Variants in MID1 observed in about 807,000 individuals in gnomAD.
The protein encoded by MID1 is midline 1, also known as E3 ubiquitin-protein ligase Midline-1.
In MID1, 7 loss-of-function variants were observed where a neutral mutation model predicts 40.4. That is an observed-to-expected ratio of 0.17 (90% confidence interval 0.10 to 0.33). The LOEUF (loss-of-function observed/expected upper bound fraction) is 0.33, where lower values mean the gene tolerates loss of function less well. MID1 is among the 10% of genes least tolerant of loss of function. The probability of loss-of-function intolerance (pLI) is 1.00; values close to 1 mark genes in which losing one functional copy is unlikely to be tolerated. For missense variants in MID1, 367 were observed against 558.5 expected (o/e 0.66, Z 3.46); for synonymous variants, 229 against 221.2 (o/e 1.04, Z -0.31).
At chrX:10,517,618 C>A (rs1359442780) in intron 3 of MID1, among the ~76,000 whole-genome samples, 2 of 112,401 alleles carry the variant, frequency 1.8e-5, no homozygotes, top group African/African-American at 6.5e-5. Context: ...CTTTCCAGCT[C>A]TCAACTCTCC....
At chrX:10,723,829 C>G (rs891708371) in intron 1 of MID1, among the ~76,000 whole-genome samples, 12 of 112,658 alleles carry the variant, frequency 1.1e-4, no homozygotes, top group African/African-American at 3.9e-4. Context: ...CGTGAGCCAC[C>G]GCGCCCAGCT....
chrX:10,495,825 G>T (rs920577746), intron 3 of MID1, 134 bp from the exon 4 acceptor site: 5 of 506,006 alleles, frequency 9.9e-6, no homozygotes, highest in African/African-American at 7.0e-5. Context: ...GTCCGATTAC[G>T]CAAGGATTGC....
At chrX:10,574,429 C>T (rs1023489900) in intron 1 of MID1, among the ~76,000 whole-genome samples, 1 of 112,112 alleles carries the variant, frequency 8.9e-6, no homozygotes, top group Non-Finnish European at 1.9e-5. Context: ...CTGTGTCAGA[C>T]TTTTGACTCT....
At chrX:10,493,178 C>T (rs762820940) in intron 4 of MID1, among the ~76,000 whole-genome samples, 1 of 111,711 alleles carries the variant, frequency 9.0e-6, no homozygotes, top group African/African-American at 3.3e-5. Flanking sequence ...CTGAATTATC[C>T]AGGTAATCCC....
chrX:10,773,617 A>AT lies in MID1; in HGVS notation c.-187+59936dup, dbSNP rs2043784203. On this transcript the variant is annotated intron_variant, in intron 1 of 10. Coordinates refer to the MID1 transcript ENST00000380785. Reference sequence around the variant, plus strand: ...ATCTTTTTTTGAACCTAAGTACTAGATTTTTCCCCTGGTTACATTTTATCT... The same window carrying AT: ...ATCTTTTTTTGAACCTAAGTACTAGATTTTTTCCCCTGGTTACATTTTATCT... Among the ~76,000 whole-genome samples the AT allele has an allele frequency of 3.6e-5, 4 of 111,584 alleles. No individual in the cohort carries two copies. In the South Asian group the frequency reaches 1.5e-3, roughly 42 times the overall value.
intron 7 of MID1, among the ~76,000 whole-genome samples, chrX:10,465,210 TATATACAC>T (rs1473053570): frequency 4.7e-4 from 29 of 62,043 alleles, no homozygotes; most frequent in African/African-American, 2.3e-3. Flanking sequence ...TATATATATA[TATATACAC>T]ACACACACAC....
rs1935369590 is a variant in MID1, at chrX:10,594,227, G to C, written c.-57+26063C>G. On this transcript the variant is annotated intron_variant, in intron 1 of 9. Transcript: ENST00000317552. ...AGAACATTTTGAGGATGCATGTATT[G>C]AGTATATATTTTAGATCTCAATCTG... Among the ~76,000 whole-genome samples the C allele has an allele frequency of 4.5e-5, 5 of 111,658 alleles. No homozygotes were observed. The South Asian group carries it at 1.9e-3, about 42-fold the overall frequency.
rs927969545 is a variant in MID1, at chrX:10,448,629, C to A, written c.*739G>T. On this transcript the variant is annotated 3_prime_UTR_variant, in exon 10 of 10. Transcript: ENST00000317552. ...AAATGACTATTTTCAATTGCAATCTCATTCTTAATGTTCTTCCAGAACCCT... is the reference window on the plus strand; with the variant it reads ...AAATGACTATTTTCAATTGCAATCTAATTCTTAATGTTCTTCCAGAACCCT... The A allele has an allele frequency of 1.8e-5, 2 of 112,196 alleles. No individual in the cohort carries two copies. The highest frequency in any genetic ancestry group is 6.5e-5 in the African/African-American group (2 of 30,856). 9.2% of individuals were successfully genotyped at this position (112,196 alleles called of 1,213,427 possible). A position where few individuals can be genotyped will look rare whatever the true frequency, so the allele number is the denominator to read the frequency against.
intron 1 of MID1, among the ~76,000 whole-genome samples, chrX:10,786,580 A>C (rs1361260061): frequency 9.0e-6 from 1 of 111,268 alleles, no homozygotes; most frequent in Non-Finnish European, 1.9e-5. Flanking sequence ...AATGTGCAAC[A>C]ATGATAGACT....
chrX:10,715,177 G>A (rs1425740265), intron 1 of MID1, among the ~76,000 whole-genome samples: 1 of 112,094 alleles, frequency 8.9e-6, no homozygotes, highest in Admixed American at 9.4e-5. Flanking sequence ...GCATCTCACT[G>A]GGGATTGTTG....
chrX:10,577,843 A>C (rs978509296), intron 1 of MID1, among the ~76,000 whole-genome samples: 1 of 109,833 alleles, frequency 9.1e-6, no homozygotes, highest in South Asian at 3.9e-4. Flanking sequence ...AAAAAAAAAA[A>C]AGTCCTGCGC....
intron 8 of MID1, among the ~76,000 whole-genome samples, chrX:10,455,929 T>A (rs929775011): frequency 1.4e-4 from 16 of 112,239 alleles, no homozygotes; most frequent in African/African-American, 5.2e-4. Flanking sequence ...AGTTGTTACT[T>A]CTTCTTTGAC....
chrX:10,514,410 T>C (rs1420955837), intron 3 of MID1, among the ~76,000 whole-genome samples: 2 of 112,200 alleles, frequency 1.8e-5, no homozygotes, highest in Non-Finnish European at 3.8e-5. Flanking sequence ...TTACTCCTTA[T>C]GAATATGCCC....
At chrX:10,762,891 T>G (rs1409237782) in intron 1 of MID1, among the ~76,000 whole-genome samples, 1 of 112,183 alleles carries the variant, frequency 8.9e-6, no homozygotes, top group Non-Finnish European at 1.9e-5. Context: ...CATGATCCAC[T>G]GTGTAGGAAG....
intron 1 of MID1, among the ~76,000 whole-genome samples, chrX:10,597,730 C>T (rs940800774): frequency 5.4e-5 from 6 of 112,081 alleles, no homozygotes; most frequent in African/African-American, 1.9e-4. Flanking sequence ...CAGCATCAGA[C>T]TTGTAAAAAG....
chrX:10,651,270 C>T (rs1360669750), intron 1 of MID1, among the ~76,000 whole-genome samples: 1 of 111,590 alleles, frequency 9.0e-6, no homozygotes, highest in Non-Finnish European at 1.9e-5. Flanking sequence ...CTCACCCATA[C>T]TTTATTGGCT....
intron 1 of MID1, among the ~76,000 whole-genome samples, chrX:10,744,967 A>G (rs981986296): frequency 7.1e-5 from 8 of 112,521 alleles, no homozygotes; most frequent in African/African-American, 2.3e-4. Context: ...ACCAGGGGAA[A>G]CACTTTTTTC....
chrX:10,626,802 T>C (rs1293557539), intron 1 of MID1, among the ~76,000 whole-genome samples: 1 of 112,215 alleles, frequency 8.9e-6, no homozygotes, highest in Admixed American at 9.5e-5. Context: ...TTTGAGCCAA[T>C]GTTTTGGGAT....
At chrX:10,777,206 T>G (rs905051662) in intron 1 of MID1, among the ~76,000 whole-genome samples, 1 of 111,758 alleles carries the variant, frequency 8.9e-6, no homozygotes, top group African/African-American at 3.3e-5. Context: ...TTTGTTTATT[T>G]ATTTATTTTT....
Sources: gnomAD v4.1 joint callset for allele counts (sites outside exome capture counted in the v4.1 genomes callset) on GRCh38, gnomAD v4.1.1 for gene constraint, MANE v1.5 for transcripts, NCBI Gene and HGNC (gene_info 2026-07-23, HGNC 2026-07-21) for gene names.